DLG5: variants seen among roughly 807,000 people sequenced by gnomAD.
DLG5 encodes the protein discs large MAGUK scaffold protein 5.
DLG5 carries 48 observed loss-of-function variants against 189.8 expected under a neutral mutation model. The observed-to-expected ratio is 0.25, with a 90% CI of 0.20 to 0.32. The LOEUF is 0.32. Among genes scored for constraint, DLG5 ranks in the 10% least tolerant of loss-of-function variants. The pLI, the probability that DLG5 is intolerant of heterozygous loss-of-function variation, is 1.00. For missense variants in DLG5, 2,160 were observed against 2,544.7 expected (o/e 0.85, Z 3.25); for synonymous variants, 1,016 against 1,054.1 (o/e 0.96, Z 0.70).
At chr10:77,853,235 T>C (rs1321430640) in intron 5 of DLG5, 119 bp downstream of exon 5, 22 of 963,742 alleles carry the variant, frequency 2.3e-5, no homozygotes, top group Non-Finnish European at 2.6e-5. Context: ...TCCAAAGCGC[T>C]GGGATCACAG....
At chr10:77,805,532 G>C (rs984421812) in intron 27 of DLG5, 133 bp downstream of exon 27, 42 of 1,055,674 alleles carry the variant, frequency 4.0e-5, no homozygotes, top group Non-Finnish European at 5.5e-5. Flanking sequence ...CGACCAAGCC[G>C]AACACACACC....
In DLG5 at chr10:77,830,927, CGCGTAACG is replaced by C. The variant is rs539418253; in HGVS notation, c.1749-62_1749-55del. On this transcript the variant is annotated intron_variant, in intron 9 of 31. Coordinates refer to ENST00000372391, the MANE Select transcript of DLG5 (RefSeq NM_004747.4). ...CCCCTTGGGAGGTGAAACATCCCACCGCGTAACGGCTCTGAACCTCACGAGGCAGGCCA... is the reference window on the plus strand; with the variant it reads ...CCCCTTGGGAGGTGAAACATCCCACCGCTCTGAACCTCACGAGGCAGGCCA... 2.2e-3 allele frequency: 3,562 copies of C among 1,596,990 alleles called. 6 individuals carry two copies. The highest frequency in any genetic ancestry group is 3.3e-3 in the South Asian group (299 of 89,664).
chr10:77,816,428 C>T (rs1224580326), intron 20 of DLG5, 123 bp downstream of exon 20: 25 of 1,455,884 alleles, frequency 1.7e-5, no homozygotes, highest in Non-Finnish European at 2.4e-5. Flanking sequence ...CCAGCAAATG[C>T]TGGGACACTC....
intron 5 of DLG5, chr10:77,846,679 A>AGAGAAATAT (rs1352492744): frequency 6.6e-6 from 3 of 456,046 alleles, no homozygotes; most frequent in African/African-American, 6.0e-5. Flanking sequence ...CCTTGGCGAC[A>AGAGAAATAT]GAGAAATATT....
intron 6 of DLG5, among the ~76,000 whole-genome samples, chr10:77,843,204 G>A (rs1843510420): frequency 1.3e-5 from 2 of 152,190 alleles, no homozygotes; most frequent in Admixed American, 6.5e-5. Flanking sequence ...CGCTCAGAAA[G>A]GCCCGCTTGC....
At chr10:77,891,497 CTT>C (rs1230143884) in intron 1 of DLG5, among the ~76,000 whole-genome samples, 1 of 151,884 alleles carries the variant, frequency 6.6e-6, no homozygotes, top group Non-Finnish European at 1.5e-5. Context: ...CTCCATGTCT[CTT>C]TGTTCTGTGA....
intron 1 of DLG5, among the ~76,000 whole-genome samples, chr10:77,888,022 G>T (rs556959142): frequency 1.3e-5 from 2 of 152,328 alleles, no homozygotes; most frequent in East Asian, 3.9e-4. Flanking sequence ...GGCCTGCTGG[G>T]CTCCCAACTT....
intron 2 of DLG5, chr10:77,866,914 C>T: frequency 4.4e-6 from 2 of 450,248 alleles, no homozygotes; most frequent in Non-Finnish European, 9.0e-6. Flanking sequence ...AACTCGGTTC[C>T]CTGTGAACTC....
intron 13 of DLG5, among the ~76,000 whole-genome samples, chr10:77,824,984 C>T (rs1842546602): frequency 6.6e-6 from 1 of 152,212 alleles, no homozygotes; most frequent in Non-Finnish European, 1.5e-5. Context: ...CTGCTCACAG[C>T]TATGTGCAGA....
intron 1 of DLG5, among the ~76,000 whole-genome samples, chr10:77,925,493 A>T (rs527962284): frequency 1.3e-5 from 2 of 152,200 alleles, no homozygotes; most frequent in African/African-American, 4.8e-5. Context: ...CATCCCCAAG[A>T]CCAAAGACAC....
chr10:77,933,443 G>A, the DLG5 span, among the ~76,000 whole-genome samples: 5 of 151,804 alleles, frequency 3.3e-5, no homozygotes, highest in East Asian at 2.0e-4. Context: ...ACAGATGCCC[G>A]CCACCACGCT....
In DLG5 at chr10:77,814,461, TTATATATATATATATATATA is replaced by T. The variant is rs59297524; in HGVS notation, c.4025+2070_4026-2085del. On this transcript the variant is annotated intron_variant, in intron 20 of 31. Transcript: ENST00000372391. ...TATGTACATAAATAATAAAGCATGT[TTATATATATATATATATATA>T]TATATATATATATATATATATATAT... Among the ~76,000 whole-genome samples the T allele has an allele frequency of 4.5e-3, 320 of 70,756 alleles. 5 individuals are homozygous for T. The highest frequency in any genetic ancestry group is 0.014 in the Middle Eastern group (1 of 74). The allele number at this position is 70,756 out of a possible 152,430, so 46.4% of individuals were successfully genotyped here.
At chr10:77,878,952 C>T (rs1287076190) in intron 1 of DLG5, among the ~76,000 whole-genome samples, 1 of 152,206 alleles carries the variant, frequency 6.6e-6, no homozygotes, top group Non-Finnish European at 1.5e-5. Context: ...CCCACTCATT[C>T]GCCAAACGCT....
chr10:77,915,139 C>A (rs1022262237), intron 1 of DLG5, among the ~76,000 whole-genome samples: 10 of 151,884 alleles, frequency 6.6e-5, no homozygotes, highest in African/African-American at 2.4e-4. Flanking sequence ...CCAGCCTGGC[C>A]AAGAGAGTGA....
chr10:77,906,666 C>T (rs974998891), intron 1 of DLG5, among the ~76,000 whole-genome samples: 2 of 148,736 alleles, frequency 1.3e-5, no homozygotes, highest in Admixed American at 6.7e-5. Context: ...ACTCTGTTGC[C>T]CAGGCTGGAG....
chr10:77,863,919 G>A (rs1844571132), intron 2 of DLG5, among the ~76,000 whole-genome samples: 1 of 152,186 alleles, frequency 6.6e-6, no homozygotes, highest in African/African-American at 2.4e-5. Context: ...TGCCTTACGA[G>A]GAAGCTGGAA....
intron 7 of DLG5, among the ~76,000 whole-genome samples, chr10:77,837,592 G>A (rs1254744420): frequency 6.6e-6 from 1 of 152,212 alleles, no homozygotes; most frequent in Non-Finnish European, 1.5e-5. Context: ...AGGGGAGAGG[G>A]AAATGAGGTA....
rs1842997846 is a variant in DLG5 at position 77,833,944 on chromosome 10, T to C, written c.1718A>G (p.Asn573Ser). 1 of 1,606,620 alleles carries C rather than the reference T, an allele frequency of 6.2e-7. No homozygotes were observed. Among genetic ancestry groups the C allele is most frequent in the Middle Eastern group, 1.7e-4 (1 of 6,052 alleles). The change falls in exon 9 of 32, where the codon AAT (asparagine) becomes AGT (serine). Residue 573 changes from asparagine to serine, a missense_variant. Transcript: ENST00000372391. The part of the protein sequence containing the change: ...RSLDDTRKQK[N>S]DVSRELKELK... ...CTCCTTCAGCTCGCGGCTGACATCA[T>C]TCTTCTGCTTGCGGGTGTCATCCAG...
At position 77,817,779 on chromosome 10, in the gene DLG5, A is replaced by G; in HGVS notation, c.3782T>C (p.Leu1261Pro). The G allele has an allele frequency of 6.4e-7, 1 of 1,553,162 alleles. No individual in the cohort carries two copies. The highest frequency in any genetic ancestry group is 1.2e-5 in the South Asian group (1 of 84,152). The change falls in exon 18 of 32, where the codon CTG becomes CCG. Residue 1261 changes from leucine to proline, a missense_variant and splice_region_variant. Transcript: ENST00000372391. ...GSNSLPSSAR[L>P]GSSSNLQFKA... is the part of the protein sequence containing the mutation. ...CAAAGTCCAAGTGGTGCAGTTACCC[A>G]GGCGGGCGCTGGAGGGCAGTGAGTT... is the stretch of plus-strand genomic sequence containing the variant.
Sources: gnomAD v4.1 joint callset for allele counts (sites outside exome capture counted in the v4.1 genomes callset) on GRCh38, gnomAD v4.1.1 for gene constraint, MANE v1.5 for transcripts, NCBI Gene and HGNC (gene_info 2026-07-23, HGNC 2026-07-21) for gene names.